Variants in NRXN3 observed in about 807,000 individuals in gnomAD.
NRXN3 encodes the protein neurexin III.
A neutral mutation model predicts 137.6 loss-of-function variants in NRXN3; 32 were observed. The ratio of observed to expected loss-of-function variants is 0.23; its 90% confidence interval spans 0.18 to 0.31. NRXN3 has a LOEUF of 0.31. Among genes scored for constraint, NRXN3 ranks in the 10% least tolerant of loss-of-function variants. The pLI is 1.00. For synonymous variants in NRXN3, 798 were observed against 784.5 expected (o/e 1.02, Z -0.29); for missense variants, 1,574 against 2,062.5 (o/e 0.76, Z 4.59).
At chr14:78,508,707 G>A (rs907081480) in intron 4 of NRXN3, among the ~76,000 whole-genome samples, 1 of 151,926 alleles carries the variant, frequency 6.6e-6, no homozygotes, top group Non-Finnish European at 1.5e-5. Context: ...TGCCCTAAAT[G>A]TATCAAAAGG....
intron 16 of NRXN3, among the ~76,000 whole-genome samples, chr14:79,503,791 G>T (rs1474756346): frequency 6.6e-6 from 1 of 152,168 alleles, no homozygotes; most frequent in African/African-American, 2.4e-5. Flanking sequence ...GCTGAATGAG[G>T]TGATGAATCA....
chr14:79,162,656 C>G (rs2060903611), intron 15 of NRXN3, among the ~76,000 whole-genome samples: 1 of 151,930 alleles, frequency 6.6e-6, no homozygotes, highest in Non-Finnish European at 1.5e-5. Context: ...GAGATACCAT[C>G]TCACACCAGT....
intron 4 of NRXN3, among the ~76,000 whole-genome samples, chr14:78,300,492 G>A (rs1467134063): frequency 6.6e-6 from 1 of 152,208 alleles, no homozygotes; most frequent in Non-Finnish European, 1.5e-5. Context: ...GTTTTGCGCT[G>A]CCTCCTTAGG....
chr14:78,449,065 CT>C (rs1470877930), intron 4 of NRXN3, among the ~76,000 whole-genome samples: 1 of 152,190 alleles, frequency 6.6e-6, no homozygotes, highest in East Asian at 1.9e-4. Context: ...AAACAAATTA[CT>C]TTTTAGTACA....
chr14:78,467,237 A>G (rs1460935161), intron 4 of NRXN3, among the ~76,000 whole-genome samples: 1 of 152,226 alleles, frequency 6.6e-6, no homozygotes, highest in Non-Finnish European at 1.5e-5. Context: ...TTAATTAAAA[A>G]AGAAATATTT....
chr14:79,782,670 G>A (rs1231875899), intron 19 of NRXN3, among the ~76,000 whole-genome samples: 1 of 152,106 alleles, frequency 6.6e-6, no homozygotes, highest in Non-Finnish European at 1.5e-5. Flanking sequence ...TGATTGTCTG[G>A]AAACCACAGT....
chr14:78,618,977 A>G (rs2097372440), intron 4 of NRXN3, among the ~76,000 whole-genome samples: 1 of 152,206 alleles, frequency 6.6e-6, no homozygotes, highest in Admixed American at 6.5e-5. Context: ...CCCTTAATGC[A>G]ATGGCTGTGT....
At chr14:79,430,232 C>A (rs937884477) in intron 15 of NRXN3, among the ~76,000 whole-genome samples, 5 of 152,130 alleles carry the variant, frequency 3.3e-5, no homozygotes, top group South Asian at 2.1e-4. Context: ...CTTAAGACTG[C>A]GTTTGTGAAG....
chr14:78,870,485 G>A (rs2099098577), intron 10 of NRXN3, among the ~76,000 whole-genome samples: 1 of 151,918 alleles, frequency 6.6e-6, no homozygotes, highest in Non-Finnish European at 1.5e-5. Flanking sequence ...GGGTAATTGG[G>A]GTATCCATCA....
chr14:78,813,839 A>T (rs916177880), intron 10 of NRXN3, among the ~76,000 whole-genome samples: 1 of 152,178 alleles, frequency 6.6e-6, no homozygotes, highest in African/African-American at 2.4e-5. Context: ...GAAAAAAAGC[A>T]GTTTTCTTCT....
chr14:78,241,708 C>T (rs1192338620), intron 1 of NRXN3, among the ~76,000 whole-genome samples: 1 of 151,746 alleles, frequency 6.6e-6, no homozygotes, highest in Non-Finnish European at 1.5e-5. Context: ...CTATTATTTT[C>T]TCTACTTTAC....
intron 1 of NRXN3, among the ~76,000 whole-genome samples, chr14:78,227,387 G>A (rs1464359058): frequency 6.6e-6 from 1 of 152,108 alleles, no homozygotes; most frequent in Non-Finnish European, 1.5e-5. Flanking sequence ...GAGGTTAGAT[G>A]AGACAGAGTT....
Position 79,861,297 on chromosome 14 carries a change from C to T in NRXN3, c.4094-45C>T, listed in dbSNP as rs2099413492. 1 of 1,536,102 alleles carries T rather than the reference C, an allele frequency of 6.5e-7. No individual in the cohort carries two copies. On this transcript the variant is annotated intron_variant, in intron 20 of 20. Transcript: ENST00000335750. The surrounding 1 kb of genome is among the most constrained non-coding windows in gnomAD (Gnocchi z 5.4). ...GAAACCTTTGACTCTAACCTGCCCC[C>T]TACTGATGATGAAGATTTTTACACC...
At chr14:78,651,982 T>C (rs1052324316) in intron 6 of NRXN3, among the ~76,000 whole-genome samples, 1 of 152,202 alleles carries the variant, frequency 6.6e-6, no homozygotes, top group African/African-American at 2.4e-5. Flanking sequence ...TGTTTATAAA[T>C]TAAATGCAGT....
chr14:78,858,704 TC>T (rs1391049296), intron 10 of NRXN3, among the ~76,000 whole-genome samples: 2 of 152,204 alleles, frequency 1.3e-5, no homozygotes. Context: ...CTCAGTGGAC[TC>T]AGGTTTCCGG....
chr14:79,094,971 A>AGT (rs1178553706), intron 15 of NRXN3, among the ~76,000 whole-genome samples: 200 of 100,342 alleles, frequency 2.0e-3, no homozygotes, highest in African/African-American at 6.5e-3. Flanking sequence ...AGAGAGAGAG[A>AGT]GAGAGAGAGT....
intron 19 of NRXN3, among the ~76,000 whole-genome samples, chr14:79,706,982 A>G (rs1456190591): frequency 1.3e-5 from 2 of 152,024 alleles, no homozygotes; most frequent in Non-Finnish European, 2.9e-5. Flanking sequence ...TCGCCACCGG[A>G]CTTCGGGTAC....
chr14:78,198,094 G>A (rs1481029537), intron 1 of NRXN3, among the ~76,000 whole-genome samples: 1 of 152,216 alleles, frequency 6.6e-6, no homozygotes, highest in Non-Finnish European at 1.5e-5. Context: ...TGCCCTGTTG[G>A]TCACTGTATT....
intron 2 of NRXN3, among the ~76,000 whole-genome samples, chr14:78,259,509 A>G (rs968447834): frequency 2.0e-5 from 3 of 152,176 alleles, no homozygotes; most frequent in African/African-American, 7.2e-5. Flanking sequence ...GATCGAGGGA[A>G]GAAATTCTCC....
Sources: allele counts gnomAD v4.1 joint callset (sites outside exome capture counted in the v4.1 genomes callset), GRCh38; gene constraint gnomAD v4.1.1; non-coding constraint Gnocchi (gnomAD v3.1); transcripts MANE v1.5; gene names NCBI Gene and HGNC (gene_info 2026-07-23, HGNC 2026-07-21).